BSN: variants seen among roughly 807,000 people sequenced by gnomAD.
BSN encodes the protein bassoon presynaptic cytomatrix protein.
Under a neutral mutation model 264.8 loss-of-function variants are expected in BSN, and 57 were observed. That is an observed-to-expected ratio of 0.22 (90% CI 0.17 to 0.27). BSN has a LOEUF of 0.27. BSN is among the 10% of genes least tolerant of loss of function. The pLI is 1.00. For synonymous variants in BSN, 2,059 were observed against 2,137.3 expected, an observed-to-expected ratio of 0.96 and a Z score of 1.01; for missense variants, 4,615 against 5,232.5, an observed-to-expected ratio of 0.88 and a Z score of 3.64.
chr3:49,606,009 CATAG>C (rs2052134996), intron 1 of BSN, among the ~76,000 whole-genome samples: 1 of 84,524 alleles, frequency 1.2e-5, no homozygotes, highest in East Asian at 3.8e-4. Context: ...TTTATATATA[CATAG>C]AAATATATAT....
intron 2 of BSN, among the ~76,000 whole-genome samples, chr3:49,631,217 AG>A (rs1226575566): frequency 6.6e-6 from 1 of 151,784 alleles, no homozygotes; most frequent in Non-Finnish European, 1.5e-5. Flanking sequence ...GGGGTCAAGG[AG>A]GGGAGGGCTA....
At chr3:49,598,821 T>C (rs1215845648) in intron 1 of BSN, among the ~76,000 whole-genome samples, 2 of 152,156 alleles carry the variant, frequency 1.3e-5, no homozygotes, top group Non-Finnish European at 2.9e-5. Flanking sequence ...TTCTAGTCAC[T>C]GCAATAAGGC....
chr3:49,579,864 A>G (rs961144197), intron 1 of BSN, among the ~76,000 whole-genome samples: 3 of 150,250 alleles, frequency 2.0e-5, no homozygotes, highest in Non-Finnish European at 4.4e-5. Flanking sequence ...ATCTTGATAG[A>G]TGGTTTTTGT....
intron 1 of BSN, among the ~76,000 whole-genome samples, chr3:49,597,961 A>G (rs1575433057): frequency 6.6e-6 from 1 of 152,154 alleles, no homozygotes; most frequent in Non-Finnish European, 1.5e-5. Flanking sequence ...GTACTTTTCA[A>G]CAACAGAATT....
chr3:49,630,008 GAC>G (rs1359743878), intron 2 of BSN, among the ~76,000 whole-genome samples: 1 of 152,254 alleles, frequency 6.6e-6, no homozygotes, highest in Non-Finnish European at 1.5e-5. Context: ...AAGGGAGGGA[GAC>G]AGTGCAGTGG....
At position 49,651,092 on chromosome 3, in the gene BSN, C is replaced by G; in HGVS notation, c.1986+13C>G. 1 of 1,594,482 alleles carries G rather than the reference C, an allele frequency of 6.3e-7. No homozygotes were observed. Among genetic ancestry groups the G allele is most frequent in the Non-Finnish European group, 8.5e-7 (1 of 1,174,830 alleles). ...TGGGGAGGCGGAGGTCAGTCCCATT[C>G]ACTTCCCAGAGACCCTAGCTTTCAG... On this transcript the variant is annotated intron_variant, in intron 4 of 11. Coordinates refer to ENST00000296452, the MANE Select transcript of BSN (RefSeq NM_003458.4). The surrounding 1 kb of genome is among the most constrained non-coding windows in gnomAD (Gnocchi z 5.4).
Position 49,663,773 on chromosome 3 carries a change from G to C in BSN, c.11509-14G>C. 1 of 1,614,048 alleles carries C rather than the reference G, an allele frequency of 6.2e-7. No individual in the cohort carries two copies. Among genetic ancestry groups the C allele is most frequent in the Non-Finnish European group, 8.5e-7 (1 of 1,179,946 alleles). Reference sequence around the variant, plus strand: ...GGCATGGGCAGAATCTTAGCTATAGGTTCTGTGTTGCAGCCACGGGCAGAA... The same window carrying C: ...GGCATGGGCAGAATCTTAGCTATAGCTTCTGTGTTGCAGCCACGGGCAGAA... On this transcript the variant is annotated splice_polypyrimidine_tract_variant and intron_variant, in intron 7 of 11. Coordinates refer to ENST00000296452, the MANE Select transcript of BSN (RefSeq NM_003458.4).
chr3:49,633,981 C>T lies in BSN; in HGVS notation c.634-8287C>T, dbSNP rs545767548. Among the ~76,000 whole-genome samples the T allele has an allele frequency of 7.9e-5, 12 of 151,804 alleles. 1 individual carries two copies. Among genetic ancestry groups the T allele is most frequent in the African/African-American group, 1.9e-4 (8 of 41,384 alleles). ...CAGCACTTTGGGAGGCCGAGGCAGG[C>T]GGATCACAAGGTCAGGAGATCGAGA... On this transcript the variant is annotated intron_variant, in intron 2 of 11. Transcript: ENST00000296452.
At chr3:49,609,244 G>A (rs1156467839) in intron 1 of BSN, among the ~76,000 whole-genome samples, 1 of 151,812 alleles carries the variant, frequency 6.6e-6, no homozygotes, top group East Asian at 1.9e-4. Context: ...TGGGACCACA[G>A]GCACATGCCA....
intron 2 of BSN, among the ~76,000 whole-genome samples, chr3:49,630,279 G>T (rs1244910580): frequency 1.3e-5 from 2 of 152,186 alleles, no homozygotes; most frequent in Admixed American, 1.3e-4. Context: ...GCCCAGGAGG[G>T]TGTCTGCCCA....
intron 1 of BSN, among the ~76,000 whole-genome samples, chr3:49,604,833 A>C (rs1575434775): frequency 6.8e-6 from 1 of 147,140 alleles, no homozygotes; most frequent in Non-Finnish European, 1.5e-5. Flanking sequence ...CCCTGACTAC[A>C]CCCCTTCAGC....
chr3:49,581,352 G>A (rs1398811327), intron 1 of BSN, among the ~76,000 whole-genome samples: 2 of 152,038 alleles, frequency 1.3e-5, no homozygotes, highest in African/African-American at 2.4e-5. Flanking sequence ...CCTTATCTGC[G>A]GTCTTGCTTT....
intron 10 of BSN, 25 bp downstream of exon 10, chr3:49,664,878 G>A: frequency 6.3e-7 from 1 of 1,585,626 alleles, no homozygotes; most frequent in Non-Finnish European, 8.6e-7. Context: ...CCTGTACCTT[G>A]CCTCTTCTGG....
intron 1 of BSN, among the ~76,000 whole-genome samples, chr3:49,592,711 G>C (rs1322374624): frequency 2.0e-5 from 3 of 150,266 alleles, no homozygotes; most frequent in African/African-American, 7.4e-5. Context: ...AGATAGCGCC[G>C]CTGCACTCTG....
At chr3:49,558,242 G>C (rs193136073) in intron 1 of BSN, among the ~76,000 whole-genome samples, 6 of 152,336 alleles carry the variant, frequency 3.9e-5, no homozygotes, top group Admixed American at 2.0e-4. Context: ...TAAAGAATGT[G>C]GTCTACACAG....
Position 49,661,515 on chromosome 3 carries a change from G to C in BSN, c.9670G>C (p.Glu3224Gln), listed in dbSNP as rs770386212. Residue 3224 changes from glutamate to glutamine, a missense_variant, in exon 6 of 12, where the codon GAG (glutamate) becomes CAG (glutamine). Around this residue, in one of 3 missense-constraint regions of BSN, gnomAD observed 3,415 missense variants for 3,866.4 expected, o/e 0.88. Transcript: ENST00000296452. ...CTCTGACTCACACTATACCAGTCTG[G>C]AGCAGAACGTTCCTCGAAACTACGT... ...YPSDSHYTSL[E>Q]QNVPRNYVMI... 3 of 1,614,094 alleles carry C rather than the reference G, an allele frequency of 1.9e-6. No individual in the cohort carries two copies. The highest frequency in any genetic ancestry group is 2.5e-6 in the Non-Finnish European group (3 of 1,180,032).
chr3:49,657,725 T>C lies in BSN; in HGVS notation c.8169T>C (p.Asp2723=), dbSNP rs1260966397. 1.3e-6 allele frequency: 2 copies of C among 1,550,158 alleles called. No homozygotes were observed. Among genetic ancestry groups the C allele is most frequent in the Non-Finnish European group, 1.7e-6 (2 of 1,145,676 alleles). The change falls in exon 5 of 12, where the codon GAT becomes GAC. Residue 2723 remains aspartate, a synonymous_variant. Transcript: ENST00000296452. ...GESLACQTEP[D]GQAQGVAGPQ... ...GCCTGGCCTGCCAGACGGAGCCAGA[T>C]GGGCAGGCCCAGGGTGTAGCCGGGC...
intron 1 of BSN, among the ~76,000 whole-genome samples, chr3:49,572,603 G>T (rs988627933): frequency 6.6e-6 from 1 of 152,108 alleles, no homozygotes; most frequent in African/African-American, 2.4e-5. Flanking sequence ...GCGCGATCTC[G>T]GCTCACGGCA....
intron 1 of BSN, among the ~76,000 whole-genome samples, chr3:49,576,768 C>A (rs2051847776): frequency 6.6e-6 from 1 of 152,186 alleles, no homozygotes; most frequent in Non-Finnish European, 1.5e-5. Flanking sequence ...CTGCCTTGCT[C>A]AGGCTCATAC....
Sources: gnomAD v4.1 joint callset for allele counts (sites outside exome capture counted in the v4.1 genomes callset) on GRCh38, gnomAD v4.1.1 for gene constraint, gnomAD v4.1.1 regional missense constraint, Gnocchi (gnomAD v3.1) non-coding constraint, MANE v1.5 for transcripts, NCBI Gene and HGNC (gene_info 2026-07-23, HGNC 2026-07-21) for gene names.